MAST4: variants seen among roughly 807,000 people sequenced by gnomAD.
MAST4 encodes the protein microtubule associated serine/threonine kinase family member 4.
A neutral mutation model predicts 162.7 loss-of-function variants in MAST4; 89 were observed. The observed-to-expected ratio is 0.55, with a 90% CI of 0.46 to 0.65. The LOEUF is 0.65. Among genes scored for constraint, MAST4 ranks in the 30% least tolerant of loss-of-function variants. MAST4 has a pLI of 0.00. For synonymous variants in MAST4, 1,479 were observed against 1,361.1 expected, an observed-to-expected ratio of 1.09 and a Z score of -1.91; for missense variants, 3,153 against 3,374.0, an observed-to-expected ratio of 0.93 and a Z score of 1.62.
intron 1 of MAST4, among the ~76,000 whole-genome samples, chr5:66,700,745 C>T (rs1336754719): frequency 6.6e-6 from 1 of 150,828 alleles, no homozygotes; most frequent in Non-Finnish European, 1.5e-5. Flanking sequence ...AGTCCTTTCT[C>T]TGTATGGAAA....
intron 4 of MAST4, among the ~76,000 whole-genome samples, chr5:67,031,600 C>G (rs1326330198): frequency 6.6e-6 from 1 of 152,154 alleles, no homozygotes; most frequent in Admixed American, 6.5e-5. Context: ...TGAAAAACTG[C>G]GTACAGACTT....
intron 21 of MAST4, among the ~76,000 whole-genome samples, chr5:67,143,792 A>G (rs1350065656): frequency 6.6e-6 from 1 of 152,162 alleles, no homozygotes; most frequent in South Asian, 2.1e-4. Context: ...TGGGCCATCA[A>G]AGACAACAAT....
chr5:66,987,116 GT>G (rs372566335), intron 4 of MAST4, among the ~76,000 whole-genome samples: 1 of 151,298 alleles, frequency 6.6e-6, no homozygotes. Context: ...TTTAGCTGAG[GT>G]TTTTTTTTAA....
At chr5:66,622,329 A>G (rs1033570126) in intron 1 of MAST4, among the ~76,000 whole-genome samples, 1 of 152,162 alleles carries the variant, frequency 6.6e-6, no homozygotes, top group African/African-American at 2.4e-5. Flanking sequence ...GTGGAGCAGA[A>G]CAAGTGTGGG....
At chr5:66,929,996 C>T (rs1742002126) in intron 4 of MAST4, among the ~76,000 whole-genome samples, 2 of 152,278 alleles carry the variant, frequency 1.3e-5, no homozygotes, top group Middle Eastern at 3.4e-3. Context: ...CATACAGAGA[C>T]CTTTCCATAG....
chr5:66,865,880 GC>G (rs1321603921), intron 3 of MAST4, among the ~76,000 whole-genome samples: 5 of 152,116 alleles, frequency 3.3e-5, no homozygotes, highest in Non-Finnish European at 1.5e-5. Flanking sequence ...TTCAAGACCA[GC>G]CTGGCCAACA....
intron 3 of MAST4, among the ~76,000 whole-genome samples, chr5:66,830,272 T>G (rs150314023): frequency 1.3e-5 from 2 of 152,324 alleles, no homozygotes; most frequent in East Asian, 3.9e-4. Flanking sequence ...CTTTTTTAAG[T>G]TTTTGTTATT....
intron 4 of MAST4, among the ~76,000 whole-genome samples, chr5:67,024,831 T>TG (rs1313938226): frequency 1.5e-5 from 2 of 136,094 alleles, no homozygotes; most frequent in Non-Finnish European, 3.2e-5. Context: ...GGGGATCCCA[T>TG]GTTTTTTTTT....
Position 67,163,347 on chromosome 5 carries a change from A to G in MAST4, c.4168A>G (p.Thr1390Ala). Residue 1390 changes from threonine (T) to alanine (A), a missense_variant, in exon 29 of 29, where the codon ACC (threonine) becomes GCC (alanine). Coordinates refer to ENST00000403625, the MANE Select transcript of MAST4 (RefSeq NM_001164664.2). The surrounding 1 kb of genome is among the most constrained non-coding windows in gnomAD (Gnocchi z 7.0). ...GACGCCCTCTCCAACCCCGCAACCC[A>G]CCTCCCCGCAGCGGTCACCATCCCC... The part of the protein sequence containing the change: ...ARTPSPTPQP[T>A]SPQRSPSPLL... 1 of 1,611,624 alleles carries G rather than the reference A, an allele frequency of 6.2e-7. No individual in the cohort carries two copies. The highest frequency in any genetic ancestry group is 1.3e-5 in the African/African-American group (1 of 74,690).
At chr5:66,900,594 A>T (rs1430625046) in intron 4 of MAST4, among the ~76,000 whole-genome samples, 1 of 152,074 alleles carries the variant, frequency 6.6e-6, no homozygotes, top group African/African-American at 2.4e-5. Flanking sequence ...TTGAGGACAG[A>T]ATTAACTACC....
intron 1 of MAST4, among the ~76,000 whole-genome samples, chr5:66,637,201 A>C (rs1042969875): frequency 4.0e-5 from 6 of 151,386 alleles, no homozygotes; most frequent in Non-Finnish European, 4.4e-5. Context: ...ATACACTAAA[A>C]TGTAACTAAT....
At chr5:66,748,718 G>A (rs758030986) in intron 1 of MAST4, among the ~76,000 whole-genome samples, 12 of 151,840 alleles carry the variant, frequency 7.9e-5, no homozygotes, top group Non-Finnish European at 1.6e-4. Context: ...TCGATCTCTT[G>A]ACCTCATGAT....
intron 1 of MAST4, among the ~76,000 whole-genome samples, chr5:66,743,018 C>T (rs1226619967): frequency 6.6e-6 from 1 of 152,160 alleles, no homozygotes; most frequent in East Asian, 1.9e-4. Flanking sequence ...CACTTCAGGG[C>T]CTTGATGCTT....
chr5:66,907,445 C>T (rs746867476), intron 4 of MAST4, among the ~76,000 whole-genome samples: 5 of 152,152 alleles, frequency 3.3e-5, no homozygotes, highest in Admixed American at 6.5e-5. Context: ...AGTAGGATTT[C>T]GCCAGGGACC....
intron 4 of MAST4, among the ~76,000 whole-genome samples, chr5:66,970,560 G>T (rs1235015247): frequency 6.6e-6 from 1 of 152,202 alleles, no homozygotes; most frequent in Non-Finnish European, 1.5e-5. Flanking sequence ...TCCAGGCCCA[G>T]ACAGCCATTC....
intron 4 of MAST4, among the ~76,000 whole-genome samples, chr5:67,036,177 A>T (rs550346062): frequency 3.9e-5 from 6 of 152,274 alleles, no homozygotes; most frequent in South Asian, 2.1e-4. Flanking sequence ...CTGCAGAAAG[A>T]ATACCACAAA....
At chr5:66,703,474 G>A (rs1749914947) in intron 1 of MAST4, among the ~76,000 whole-genome samples, 1 of 152,138 alleles carries the variant, frequency 6.6e-6, no homozygotes, top group African/African-American at 2.4e-5. Flanking sequence ...GATAGGGAAT[G>A]GGAGTAGCAA....
At chr5:66,731,454 C>T (rs749904545) in intron 1 of MAST4, among the ~76,000 whole-genome samples, 4 of 147,842 alleles carry the variant, frequency 2.7e-5, no homozygotes, top group Non-Finnish European at 4.4e-5. Flanking sequence ...TTCACTTATG[C>T]TATTGCTTAG....
chr5:67,010,528 AG>A (rs1752544435), intron 4 of MAST4, among the ~76,000 whole-genome samples: 1 of 152,216 alleles, frequency 6.6e-6, no homozygotes, highest in Non-Finnish European at 1.5e-5. Flanking sequence ...CAGGGCACTC[AG>A]GCAGGCTGTG....
Sources: gnomAD v4.1 joint callset for allele counts (sites outside exome capture counted in the v4.1 genomes callset) on GRCh38, gnomAD v4.1.1 for gene constraint, Gnocchi (gnomAD v3.1) non-coding constraint, MANE v1.5 for transcripts, NCBI Gene and HGNC (gene_info 2026-07-23, HGNC 2026-07-21) for gene names.